Variants in PTPRD observed in about 807,000 individuals in gnomAD.
PTPRD encodes the protein protein tyrosine phosphatase receptor type D, also known as receptor-type tyrosine-protein phosphatase delta.
Under a neutral mutation model 214.5 loss-of-function variants are expected in PTPRD, and 34 were observed. That is an observed-to-expected ratio of 0.16 (90% CI 0.12 to 0.21). The LOEUF (loss-of-function observed/expected upper bound fraction) is 0.21. Ranked by LOEUF, PTPRD falls within the 10% of genes least tolerant of loss-of-function variation. The pLI, the probability that PTPRD is intolerant of heterozygous loss-of-function variation, is 1.00. For missense variants in PTPRD, 2,545 were observed against 2,398.7 expected, an observed-to-expected ratio of 1.06 and a Z score of -1.27; for synonymous variants, 1,128 against 845.7, an observed-to-expected ratio of 1.33 and a Z score of -5.79.
chr9:10,093,329 C>A (rs957043188), intron 3 of PTPRD, among the ~76,000 whole-genome samples: 1 of 151,258 alleles, frequency 6.6e-6, no homozygotes, highest in Non-Finnish European at 1.5e-5. Context: ...AAATGGCCAA[C>A]AAACATGAAA....
chr9:9,071,240 G>A (rs2099743273), intron 10 of PTPRD, among the ~76,000 whole-genome samples: 1 of 152,090 alleles, frequency 6.6e-6, no homozygotes, highest in Non-Finnish European at 1.5e-5. Flanking sequence ...CATTCCCTGT[G>A]TAATCAATGC....
intron 5 of PTPRD, among the ~76,000 whole-genome samples, chr9:9,896,544 A>T (rs1371932511): frequency 6.6e-6 from 1 of 152,026 alleles, no homozygotes; most frequent in Non-Finnish European, 1.5e-5. Flanking sequence ...GAAAGGAAAA[A>T]ATCTACAATG....
At chr9:8,406,143 C>T (rs553954418) in intron 35 of PTPRD, among the ~76,000 whole-genome samples, 10 of 152,228 alleles carry the variant, frequency 6.6e-5, no homozygotes, top group African/African-American at 2.2e-4. Flanking sequence ...AGTCTGAAAA[C>T]TAATATAATT....
chr9:9,181,823 G>A (rs971731167), intron 10 of PTPRD, among the ~76,000 whole-genome samples: 1 of 151,896 alleles, frequency 6.6e-6, no homozygotes, highest in Non-Finnish European at 1.5e-5. Flanking sequence ...GACAGAAATA[G>A]AACTAAAAAG....
At chr9:8,377,084 C>A (rs1050983711) in intron 37 of PTPRD, among the ~76,000 whole-genome samples, 1 of 152,076 alleles carries the variant, frequency 6.6e-6, no homozygotes, top group Non-Finnish European at 1.5e-5. Context: ...GGGAGGATGA[C>A]ACTTTGTCAT....
chr9:9,294,082 T>C (rs1008281720), intron 9 of PTPRD, among the ~76,000 whole-genome samples: 3 of 151,592 alleles, frequency 2.0e-5, no homozygotes, highest in African/African-American at 2.4e-5. Context: ...AAGTGACTAA[T>C]TGGAGGGCAC....
intron 7 of PTPRD, among the ~76,000 whole-genome samples, chr9:9,643,627 T>C (rs1004863902): frequency 1.3e-5 from 2 of 152,094 alleles, no homozygotes; most frequent in African/African-American, 2.4e-5. Flanking sequence ...TTATAGAAAA[T>C]GGAAAAGAGA....
At chr9:8,925,765 C>T (rs1362810890) in intron 11 of PTPRD, among the ~76,000 whole-genome samples, 1 of 151,612 alleles carries the variant, frequency 6.6e-6, no homozygotes, top group African/African-American at 2.4e-5. Context: ...TCTCCTTTCT[C>T]CCCCTGACAC....
At chr9:8,863,070 A>T (rs886876940) in intron 11 of PTPRD, among the ~76,000 whole-genome samples, 2 of 140,156 alleles carry the variant, frequency 1.4e-5, no homozygotes, top group Non-Finnish European at 3.0e-5. Context: ...GTATAATAAT[A>T]ATAAAAAAAA....
intron 7 of PTPRD, among the ~76,000 whole-genome samples, chr9:9,659,796 A>G (rs889723333): frequency 9.2e-5 from 14 of 152,112 alleles, no homozygotes; most frequent in African/African-American, 3.4e-4. Flanking sequence ...ACTCACAACC[A>G]TTGAAAATTG....
chr9:8,488,611 A>T (rs2097086483), intron 27 of PTPRD, among the ~76,000 whole-genome samples: 1 of 152,234 alleles, frequency 6.6e-6, no homozygotes, highest in African/African-American at 2.4e-5. Context: ...ACCCATCCAT[A>T]AGTTGGAAAC....
intron 2 of PTPRD, among the ~76,000 whole-genome samples, chr9:10,358,867 T>C (rs914189715): frequency 6.6e-6 from 1 of 152,032 alleles, no homozygotes; most frequent in Non-Finnish European, 1.5e-5. Flanking sequence ...TATATTGTTT[T>C]CTGTATAATT....
intron 7 of PTPRD, among the ~76,000 whole-genome samples, chr9:9,712,876 A>T (rs2097761673): frequency 6.6e-6 from 1 of 152,180 alleles, no homozygotes; most frequent in African/African-American, 2.4e-5. Context: ...AGGTTATGTT[A>T]TTGCTATAGT....
Position 9,054,988 on chromosome 9 carries a change from C to T in PTPRD, c.-142-36253G>A, listed in dbSNP as rs556234919. The stretch of plus-strand genomic sequence containing the variant: ...GATATTCAACCCCATCTACCAGTCA[C>T]AAAAATCTGAAAATTAAGGAGTTAC... On this transcript the variant is annotated intron_variant, in intron 10 of 45. Transcript: ENST00000381196. 6.8e-4 allele frequency among the ~76,000 whole-genome samples: 104 copies of T among 152,060 alleles called. No individual in the cohort carries two copies. In the South Asian group the frequency reaches 0.021, roughly 31 times the overall value.
At chr9:10,543,320 C>T (rs114387059) in intron 2 of PTPRD, among the ~76,000 whole-genome samples, 72 of 152,138 alleles carry the variant, frequency 4.7e-4, no homozygotes, top group African/African-American at 1.7e-3. Flanking sequence ...AATTTGATTT[C>T]GGAGACACCT....
rs115001514 is a variant in PTPRD at position 10,379,308 on chromosome 9, A to T, written c.-599-38291T>A. On this transcript the variant is annotated intron_variant, in intron 2 of 45. Coordinates refer to ENST00000381196, the MANE Select transcript of PTPRD (RefSeq NM_002839.4). Reference sequence around the variant, plus strand: ...CCAAATATAAGATCATATCATCTACAAACAAGGATAATTCTACTTCTTCCT... The same window carrying T: ...CCAAATATAAGATCATATCATCTACTAACAAGGATAATTCTACTTCTTCCT... Among the ~76,000 whole-genome samples the T allele has an allele frequency of 5.5e-3, 834 of 151,888 alleles. 6 individuals are homozygous for T. Among genetic ancestry groups the T allele is most frequent in the African/African-American group, 0.019 (790 of 41,486 alleles).
intron 2 of PTPRD, among the ~76,000 whole-genome samples, chr9:10,455,136 C>T (rs2098899240): frequency 6.6e-6 from 1 of 151,732 alleles, no homozygotes; most frequent in African/African-American, 2.4e-5. Context: ...CAAAGCTTAT[C>T]AATGATCTTC....
At chr9:10,038,166 T>C (rs1296408514) in intron 3 of PTPRD, among the ~76,000 whole-genome samples, 1 of 152,164 alleles carries the variant, frequency 6.6e-6, no homozygotes, top group Non-Finnish European at 1.5e-5. Flanking sequence ...TCTTGTTTTC[T>C]TCCTGTAACT....
chr9:10,603,772 A>G (rs958106771), intron 2 of PTPRD, among the ~76,000 whole-genome samples: 1 of 151,864 alleles, frequency 6.6e-6, no homozygotes, highest in South Asian at 2.1e-4. Flanking sequence ...TATAAGAGAT[A>G]AAATTCAAGA....
Sources: allele counts gnomAD v4.1 joint callset (sites outside exome capture counted in the v4.1 genomes callset), GRCh38; gene constraint gnomAD v4.1.1; transcripts MANE v1.5; gene names NCBI Gene and HGNC (gene_info 2026-07-23, HGNC 2026-07-21).